Variants in SOX5 observed in about 807,000 individuals in gnomAD.
SOX5 encodes transcription factor SOX-5.
Under a neutral mutation model 92.0 loss-of-function variants are expected in SOX5, and 9 were observed. The ratio of observed to expected loss-of-function variants is 0.10; its 90% CI spans 0.06 to 0.17. SOX5 has a LOEUF of 0.17. Ranked by LOEUF, SOX5 falls within the 10% of genes least tolerant of loss-of-function variation. The probability of loss-of-function intolerance (pLI) is 1.00; values close to 1 mark genes in which losing one functional copy is unlikely to be tolerated. For missense variants in SOX5, 642 were observed against 944.5 expected (o/e 0.68, Z 4.20); for synonymous variants, 344 against 336.3 (o/e 1.02, Z -0.25).
intron 2 of SOX5, among the ~76,000 whole-genome samples, chr12:24,318,434 A>C (rs1231139432): frequency 1.3e-5 from 2 of 152,160 alleles, no homozygotes; most frequent in African/African-American, 4.8e-5. Flanking sequence ...GAGACGGTAC[A>C]TCTATGACAT....
At chr12:23,556,554 C>T (rs1169421971) in intron 11 of SOX5, among the ~76,000 whole-genome samples, 2 of 152,180 alleles carry the variant, frequency 1.3e-5, no homozygotes, top group African/African-American at 2.4e-5. Context: ...TGCTTTACCA[C>T]ACTGTTGCAA....
At chr12:24,391,557 C>T (rs56041324) in intron 1 of SOX5, among the ~76,000 whole-genome samples, 38,624 of 151,946 alleles carry the variant, frequency 0.25, 5,225 homozygotes, top group South Asian at 0.44. Context: ...AATCTAGTTC[C>T]CTTACGTACA....
intron 4 of SOX5, among the ~76,000 whole-genome samples, chr12:24,023,969 A>G (rs551121210): frequency 5.9e-5 from 9 of 152,170 alleles, no homozygotes; most frequent in African/African-American, 1.9e-4. Context: ...GTGTCCTGTT[A>G]TCATATGTAA....
At chr12:24,341,352 C>T (rs1952553423) in intron 2 of SOX5, among the ~76,000 whole-genome samples, 1 of 152,150 alleles carries the variant, frequency 6.6e-6, no homozygotes, top group African/African-American at 2.4e-5. Flanking sequence ...GTGGCATGTG[C>T]CTGTAGTCCC....
rs185916570 is a variant in SOX5, at chr12:23,860,745, T to G, written c.271-14552A>C. Among the ~76,000 whole-genome samples, 346 of 152,096 alleles carry G rather than the reference T, an allele frequency of 2.3e-3. 7 individuals are homozygous for G. Among genetic ancestry groups the G allele is most frequent in the Admixed American group, 0.017 (256 of 15,276 alleles). Reference sequence around the variant, plus strand: ...TGACTTATGAAGCATTTATTTCCAGTGAATGATTAAATGCACTTCAGGTCA... The same window carrying G: ...TGACTTATGAAGCATTTATTTCCAGGGAATGATTAAATGCACTTCAGGTCA... On this transcript the variant is annotated intron_variant, in intron 2 of 14. Transcript: ENST00000451604.
intron 8 of SOX5, among the ~76,000 whole-genome samples, chr12:23,621,916 A>T (rs2077228030): frequency 1.3e-5 from 2 of 152,054 alleles, no homozygotes; most frequent in South Asian, 4.1e-4. Flanking sequence ...TCATATTCAG[A>T]TGACTGTTTA....
intron 4 of SOX5, among the ~76,000 whole-genome samples, chr12:24,120,417 A>G (rs1423323656): frequency 2.6e-5 from 4 of 152,236 alleles, no homozygotes; most frequent in African/African-American, 9.6e-5. Context: ...TACACTGGCC[A>G]TCTTGTTCAA....
chr12:23,593,078 C>CAA (rs71933533), intron 9 of SOX5, among the ~76,000 whole-genome samples: 1 of 84,674 alleles, frequency 1.2e-5, no homozygotes, highest in East Asian at 2.7e-4. Flanking sequence ...GACCCTGTCT[C>CAA]AAAAATAAAT....
intron 2 of SOX5, among the ~76,000 whole-genome samples, chr12:24,348,870 A>G (rs1308994925): frequency 6.6e-6 from 1 of 151,738 alleles, no homozygotes; most frequent in East Asian, 2.0e-4. Flanking sequence ...TATAAAGGGC[A>G]GTTTCCCTAC....
intron 1 of SOX5, among the ~76,000 whole-genome samples, chr12:24,444,710 T>C (rs1273082235): frequency 1.3e-5 from 2 of 152,098 alleles, no homozygotes; most frequent in African/African-American, 4.8e-5. Context: ...AAGCAGCAAA[T>C]GTCTAACGTC....
intron 11 of SOX5, among the ~76,000 whole-genome samples, chr12:23,553,702 G>T (rs932574402): frequency 6.6e-6 from 1 of 152,018 alleles, no homozygotes; most frequent in African/African-American, 2.4e-5. Flanking sequence ...AAATCAGGAG[G>T]CCAACTAAGA....
intron 7 of SOX5, among the ~76,000 whole-genome samples, chr12:23,660,276 T>C (rs1223474082): frequency 1.3e-5 from 2 of 152,228 alleles, no homozygotes; most frequent in Non-Finnish European, 2.9e-5. Context: ...AATAACATAA[T>C]AAGACAGGCA....
chr12:23,945,260 G>A (rs937114208), intron 1 of SOX5, among the ~76,000 whole-genome samples: 8 of 152,218 alleles, frequency 5.3e-5, no homozygotes, highest in Non-Finnish European at 8.8e-5. Context: ...TGTATGATGC[G>A]TATACAAGAT....
At chr12:24,024,071 T>G (rs1954611413) in intron 4 of SOX5, among the ~76,000 whole-genome samples, 1 of 152,090 alleles carries the variant, frequency 6.6e-6, no homozygotes, top group Non-Finnish European at 1.5e-5. Context: ...AATAAGCATT[T>G]AGCCAGGCAG....
chr12:24,207,064 A>G (rs1017952282), intron 4 of SOX5, among the ~76,000 whole-genome samples: 3 of 152,204 alleles, frequency 2.0e-5, no homozygotes, highest in Non-Finnish European at 4.4e-5. Flanking sequence ...TAGTCATATG[A>G]TAATAGTTAT....
At chr12:24,051,706 G>A (rs1957578235) in intron 4 of SOX5, among the ~76,000 whole-genome samples, 1 of 152,176 alleles carries the variant, frequency 6.6e-6, no homozygotes, top group Admixed American at 6.5e-5. Flanking sequence ...GAGATTATTT[G>A]TCATAATAGC....
chr12:24,484,527 T>C (rs577098194), intron 1 of SOX5, among the ~76,000 whole-genome samples: 1 of 152,276 alleles, frequency 6.6e-6, no homozygotes, highest in African/African-American at 2.4e-5. Flanking sequence ...CTTTGGACTA[T>C]GGTGGGCCTA....
At chr12:24,316,463 C>T (rs150813260) in intron 2 of SOX5, among the ~76,000 whole-genome samples, 38 of 152,252 alleles carry the variant, frequency 2.5e-4, no homozygotes, top group African/African-American at 7.7e-4. Flanking sequence ...CAAAGATTGC[C>T]GATTTCCCAT....
At chr12:24,123,088 C>T (rs1948785467) in intron 4 of SOX5, among the ~76,000 whole-genome samples, 1 of 152,244 alleles carries the variant, frequency 6.6e-6, no homozygotes, top group South Asian at 2.1e-4. Flanking sequence ...AGTCTGTGCA[C>T]CTCATGTGCC....
Sources: gnomAD v4.1 joint callset for allele counts (sites outside exome capture counted in the v4.1 genomes callset) on GRCh38, gnomAD v4.1.1 for gene constraint, MANE v1.5 for transcripts, NCBI Gene and HGNC (gene_info 2026-07-23, HGNC 2026-07-21) for gene names.